Variants in NCMAP observed in about 807,000 individuals in gnomAD.
The protein encoded by NCMAP is non-compact myelin associated protein.
A neutral mutation model predicts 7.8 loss-of-function variants in NCMAP; 8 were observed. The observed-to-expected ratio is 1.02, with a 90% CI of 0.60 to 1.84. NCMAP has a LOEUF of 1.84. Ranked by LOEUF, NCMAP falls within the 40% of genes most tolerant of loss-of-function variation. NCMAP has a pLI of 0.00. For missense variants in NCMAP, 112 were observed against 131.4 expected (o/e 0.85, Z 0.72); for synonymous variants, 41 against 52.9 (o/e 0.78, Z 0.98).
At chr1:24,581,550 C>T (rs1291785095) in intron 1 of NCMAP, among the ~76,000 whole-genome samples, 1 of 152,228 alleles carries the variant, frequency 6.6e-6, no homozygotes, top group Non-Finnish European at 1.5e-5. Context: ...CTAGAGAAAC[C>T]ACCCTAAGTT....
At chr1:24,557,935 G>A (rs1011701562) in intron 1 of NCMAP, among the ~76,000 whole-genome samples, 6 of 152,186 alleles carry the variant, frequency 3.9e-5, no homozygotes, top group Non-Finnish European at 5.9e-5. Context: ...TATCCCCTGG[G>A]CCAGTTCCTG....
In NCMAP at chr1:24,597,657, AAG is replaced by A. The variant is rs373683878; in HGVS notation, c.82+2147_82+2148del. ...AAAGAAAGAAAGAAAGAAAGAAAGA[AAG>A]AAAGAAAGAAAGAAAAGAAAAAGAA... On this transcript the variant is annotated intron_variant, in intron 2 of 3. Coordinates refer to ENST00000374392, the MANE Select transcript of NCMAP (RefSeq NM_001010980.5). Among the ~76,000 whole-genome samples, 649 of 133,018 alleles carry A rather than the reference AAG, an allele frequency of 4.9e-3. 23 individuals are homozygous for A. Among genetic ancestry groups the A allele is most frequent in the African/African-American group, 0.016 (610 of 37,028 alleles). 87.3% of individuals were successfully genotyped at this position (133,018 alleles called of 152,430 possible).
At chr1:24,578,758 G>C (rs1487898535) in intron 1 of NCMAP, among the ~76,000 whole-genome samples, 7 of 151,426 alleles carry the variant, frequency 4.6e-5, no homozygotes. Flanking sequence ...GTAGAGATTG[G>C]GTCCCACTAT....
chr1:24,578,651 G>A (rs763485511), intron 1 of NCMAP, among the ~76,000 whole-genome samples: 3 of 145,324 alleles, frequency 2.1e-5, no homozygotes, highest in South Asian at 2.2e-4. Context: ...CAGCCTCAAC[G>A]TCCTGGGCTC....
chr1:24,559,026 T>C (rs1650978016), intron 1 of NCMAP, among the ~76,000 whole-genome samples: 1 of 152,176 alleles, frequency 6.6e-6, no homozygotes, highest in Non-Finnish European at 1.5e-5. Flanking sequence ...TTCACCTGAC[T>C]TTTAAAAAGA....
rs540847013 is a variant in NCMAP at position 24,597,294 on chromosome 1, T to C, written c.82+1782T>C. On this transcript the variant is annotated intron_variant, in intron 2 of 3. Coordinates refer to ENST00000374392, the MANE Select transcript of NCMAP (RefSeq NM_001010980.5). ...GCCAAAGTGGGTGGATTACCTGAGGTTGGGAGTTTGAGACTGGCCAGCATG... is the reference window on the plus strand; with the variant it reads ...GCCAAAGTGGGTGGATTACCTGAGGCTGGGAGTTTGAGACTGGCCAGCATG... 5.3e-5 allele frequency among the ~76,000 whole-genome samples: 8 copies of C among 151,622 alleles called. No homozygotes were observed. In the South Asian group the frequency reaches 1.7e-3, roughly 32 times the overall value.
chr1:24,562,996 C>T (rs1181065451), intron 1 of NCMAP, among the ~76,000 whole-genome samples: 2 of 152,224 alleles, frequency 1.3e-5, no homozygotes, highest in African/African-American at 2.4e-5. Context: ...AGGAACTCAC[C>T]TGCCAAAATA....
chr1:24,579,846 A>G (rs1651694414), intron 1 of NCMAP, among the ~76,000 whole-genome samples: 1 of 152,222 alleles, frequency 6.6e-6, no homozygotes, highest in African/African-American at 2.4e-5. Context: ...ATTGTATTAG[A>G]AGATTCTCTA....
chr1:24,597,902 A>G (rs868537167), intron 2 of NCMAP, among the ~76,000 whole-genome samples: 1 of 151,874 alleles, frequency 6.6e-6, no homozygotes. Flanking sequence ...TTCTGATTTT[A>G]TCTGGCAACC....
At chr1:24,573,947 G>A (rs1651465128) in intron 1 of NCMAP, among the ~76,000 whole-genome samples, 1 of 41,676 alleles carries the variant, frequency 2.4e-5, no homozygotes, top group South Asian at 7.2e-4. Flanking sequence ...GGGACCCAGA[G>A]AGGACAAAAA....
At chr1:24,600,791 G>A (rs1415947966) in intron 2 of NCMAP, 149 bp from the exon 3 acceptor site, 8 of 709,848 alleles carry the variant, frequency 1.1e-5, no homozygotes, top group East Asian at 1.0e-4. Flanking sequence ...AGATGTGACT[G>A]TCCTGGGGTC....
At chr1:24,595,794 CTTTTTTT>C (rs34640170) in intron 2 of NCMAP, among the ~76,000 whole-genome samples, 3 of 119,490 alleles carry the variant, frequency 2.5e-5, no homozygotes, top group African/African-American at 3.1e-5. Context: ...TGGACTGTGT[CTTTTTTT>C]TTTTTTTTTT....
chr1:24,592,363 A>G (rs1652072809), intron 1 of NCMAP, among the ~76,000 whole-genome samples: 1 of 151,882 alleles, frequency 6.6e-6, no homozygotes, highest in Non-Finnish European at 1.5e-5. Flanking sequence ...TTCCCTGTGT[A>G]CTCCCAGCAC....
intron 3 of NCMAP, among the ~76,000 whole-genome samples, chr1:24,604,607 T>C (rs12122164): frequency 1.6e-4 from 1 of 6,388 alleles, no homozygotes; most frequent in Admixed American, 3.3e-3. Flanking sequence ...AAAAAAAAAA[T>C]ATATATATAT....
intron 1 of NCMAP, chr1:24,589,355 A>C (rs543317273): frequency 6.6e-6 from 1 of 152,336 alleles, no homozygotes; most frequent in Admixed American, 6.5e-5. Context: ...GGCCCCACAC[A>C]TGAAAACACC....
chr1:24,577,333 C>T (rs967059729), intron 1 of NCMAP, among the ~76,000 whole-genome samples: 10 of 139,982 alleles, frequency 7.1e-5, no homozygotes, highest in South Asian at 4.4e-4. Context: ...GAAACAAAAG[C>T]GAGACCACTG....
At chr1:24,557,546 A>G (rs1216938724) in intron 1 of NCMAP, among the ~76,000 whole-genome samples, 5 of 152,174 alleles carry the variant, frequency 3.3e-5, no homozygotes, top group Non-Finnish European at 5.9e-5. Flanking sequence ...ATACCCTGGA[A>G]TCCTGAGTCC....
In NCMAP at chr1:24,608,177, T is replaced by C. The variant is rs1183501499; in HGVS notation, c.*2430T>C. On this transcript the variant is annotated 3_prime_UTR_variant, in exon 4 of 4. Transcript: ENST00000374392. The stretch of plus-strand genomic sequence containing the variant: ...TGATTCAAAGAGAAAGAAAACAAAG[T>C]ACTTTTCCAAAGTCACACAGCTAGT... 1 of 152,240 alleles carries C rather than the reference T, an allele frequency of 6.6e-6. No individual in the cohort carries two copies. Among genetic ancestry groups the C allele is most frequent in the Admixed American group, 6.5e-5 (1 of 15,284 alleles). 9.4% of individuals were successfully genotyped at this position (152,240 alleles called of 1,614,324 possible). A position where few individuals can be genotyped will look rare whatever the true frequency, so the allele number is the denominator to read the frequency against.
At chr1:24,593,455 T>C (rs9663012) in intron 1 of NCMAP, among the ~76,000 whole-genome samples, 31,370 of 152,088 alleles carry the variant, frequency 0.21, 3,383 homozygotes, top group East Asian at 0.22. Flanking sequence ...ATTACATCAC[T>C]GCACTCCAGC....
Sources: gnomAD v4.1 joint callset for allele counts (sites outside exome capture counted in the v4.1 genomes callset) on GRCh38, gnomAD v4.1.1 for gene constraint, MANE v1.5 for transcripts, NCBI Gene and HGNC (gene_info 2026-07-23, HGNC 2026-07-21) for gene names.